The following PCDHA6 variants were observed in gnomAD, a reference collection of about 807,000 sequenced individuals.
PCDHA6 encodes the protein protocadherin alpha-6.
PCDHA6 carries 55 observed loss-of-function variants against 60.3 expected under a neutral mutation model. The observed-to-expected ratio is 0.91, with a 90% CI of 0.73 to 1.14. The LOEUF (loss-of-function observed/expected upper bound fraction) is 1.14. Among genes scored for constraint, PCDHA6 ranks in the 50% most tolerant of loss-of-function variants. PCDHA6 has a pLI of 0.00. For synonymous variants in PCDHA6, 652 were observed against 557.9 expected (o/e 1.17, Z -2.38); for missense variants, 1,327 against 1,256.5 (o/e 1.06, Z -0.85).
chr5:140,906,023 G>A (rs952070346), intron 1 of PCDHA6, among the ~76,000 whole-genome samples: 7 of 152,128 alleles, frequency 4.6e-5, no homozygotes, highest in Admixed American at 3.3e-4. Flanking sequence ...ATCTCTCCAC[G>A]TTCTTCTGTC....
intron 1 of PCDHA6, among the ~76,000 whole-genome samples, chr5:140,918,821 GC>G (rs35355209): frequency 0.76 from 114,950 of 152,064 alleles, 44,573 homozygotes; most frequent in African/African-American, 0.94. Flanking sequence ...CCAAAAAGTG[GC>G]CCCCTCCCCA....
intron 1 of PCDHA6, chr5:140,858,539 T>G: frequency 7.1e-7 from 1 of 1,399,640 alleles, no homozygotes; most frequent in Admixed American, 2.0e-5. Context: ...TTTGTCTACA[T>G]TCCATTTATG....
chr5:140,836,667 G>C, intron 1 of PCDHA6: 2 of 1,613,396 alleles, frequency 1.2e-6, no homozygotes, highest in Non-Finnish European at 1.7e-6. Context: ...GTGCTCTGGG[G>C]AGGGCCCACC....
At chr5:140,926,185 GCAGCACTT>G (rs1563077744) in intron 1 of PCDHA6, among the ~76,000 whole-genome samples, 1 of 151,672 alleles carries the variant, frequency 6.6e-6, no homozygotes, top group East Asian at 1.9e-4. Flanking sequence ...AAAGCCCCCC[GCAGCACTT>G]CTTTCGGGGG....
chr5:140,868,952 C>A, intron 1 of PCDHA6: 7 of 1,342,044 alleles, frequency 5.2e-6, no homozygotes, highest in Non-Finnish European at 7.0e-6. Context: ...CAGTGAGGCA[C>A]TCCCATACAA....
chr5:140,949,679 T>A (rs246046), intron 1 of PCDHA6, among the ~76,000 whole-genome samples: 85,531 of 151,538 alleles, frequency 0.56, 24,739 homozygotes, highest in African/African-American at 0.69. Context: ...ATGCCCTTGT[T>A]GAAGCGTATT....
chr5:140,900,927 G>A (rs2068371563), intron 1 of PCDHA6, among the ~76,000 whole-genome samples: 2 of 152,056 alleles, frequency 1.3e-5, no homozygotes, highest in South Asian at 4.1e-4. Context: ...ATATCTCATT[G>A]TAGTTTTGAT....
chr5:140,863,997 T>A (rs1186516549), intron 1 of PCDHA6: 1 of 152,666 alleles, frequency 6.6e-6, no homozygotes, highest in African/African-American at 2.4e-5. Context: ...TGAAACTCTG[T>A]CTTAAAAAAA....
intron 1 of PCDHA6, among the ~76,000 whole-genome samples, chr5:140,902,203 C>CTTTTTTTTTTTTT (rs148688132): frequency 8.0e-6 from 1 of 124,460 alleles, no homozygotes; most frequent in African/African-American, 3.1e-5. Context: ...CTCTCTCTTT[C>CTTTTTTTTTTTTT]TTTTTTTTTT....
chr5:140,849,959 C>A (rs527334652), intron 1 of PCDHA6: 1 of 1,597,764 alleles, frequency 6.3e-7, no homozygotes, highest in African/African-American at 1.3e-5. Flanking sequence ...AGGAGAACGC[C>A]CTGGTGTCCT....
chr5:140,857,651 AGC>A (rs2044749625), intron 1 of PCDHA6: 2 of 1,596,558 alleles, frequency 1.3e-6, no homozygotes, highest in Middle Eastern at 2.0e-4. Flanking sequence ...GTTCCAGGTG[AGC>A]GCGCGCGATG....
In PCDHA6 at chr5:140,828,112, T is replaced by C. The variant is rs970956452; in HGVS notation, c.21T>C (p.Asp7=). The part of the protein sequence containing the change: MVFTPE[D]RLGKQCLLLP... ...TTGACATGGTGTTTACCCCGGAGGA[T>C]AGATTGGGAAAGCAATGTCTGCTCC... Residue 7 remains aspartate (D), a synonymous_variant, in exon 1 of 4, where the codon GAT becomes GAC. Transcript: ENST00000529310. 1 of 1,611,926 alleles carries C rather than the reference T, an allele frequency of 6.2e-7. No individual in the cohort carries two copies. Among genetic ancestry groups the C allele is most frequent in the Non-Finnish European group, 8.5e-7 (1 of 1,178,660 alleles).
intron 1 of PCDHA6, chr5:140,875,349 C>G: frequency 6.9e-7 from 1 of 1,444,894 alleles, no homozygotes; most frequent in Non-Finnish European, 9.1e-7. Flanking sequence ...TCCATAATGA[C>G]TGTGATGCTG....
intron 1 of PCDHA6, among the ~76,000 whole-genome samples, chr5:140,844,826 C>T (rs1554140734): frequency 6.7e-6 from 1 of 149,170 alleles, no homozygotes; most frequent in East Asian, 1.9e-4. Context: ...TGTCTTTTTA[C>T]ACGTTTGCTT....
intron 1 of PCDHA6, chr5:140,929,822 A>G (rs1554207413): frequency 1.9e-5 from 3 of 157,286 alleles, no homozygotes; most frequent in African/African-American, 2.4e-5. Flanking sequence ...GAAAGGGAAC[A>G]TAAGAGAACA....
chr5:140,886,944 C>A (rs577897989), intron 1 of PCDHA6, among the ~76,000 whole-genome samples: 2 of 152,010 alleles, frequency 1.3e-5, no homozygotes, highest in African/African-American at 4.8e-5. Context: ...ATGTTCTACA[C>A]ATTAGACATT....
chr5:140,911,477 T>A (rs1457881834), intron 1 of PCDHA6, among the ~76,000 whole-genome samples: 2 of 152,132 alleles, frequency 1.3e-5, no homozygotes, highest in Non-Finnish European at 2.9e-5. Context: ...AGACTCTCAC[T>A]CAGGGCAATC....
intron 1 of PCDHA6, among the ~76,000 whole-genome samples, chr5:140,937,039 CTTT>C (rs34994034): frequency 1.4e-5 from 2 of 140,152 alleles, no homozygotes; most frequent in African/African-American, 5.3e-5. Flanking sequence ...TTCCATTTAT[CTTT>C]TTTTTTTTTT....
intron 1 of PCDHA6, chr5:140,878,055 C>T: frequency 2.2e-6 from 1 of 449,762 alleles, no homozygotes; most frequent in Non-Finnish European, 3.6e-6. Context: ...GAGCACCACA[C>T]TTAATATTTT....
Sources: gnomAD v4.1 joint callset for allele counts (sites outside exome capture counted in the v4.1 genomes callset) on GRCh38, gnomAD v4.1.1 for gene constraint, MANE v1.5 for transcripts, NCBI Gene and HGNC (gene_info 2026-07-23, HGNC 2026-07-21) for gene names.